Variants in STIL observed in about 807,000 individuals in gnomAD.
STIL encodes STIL centriolar assembly protein, also known as SCL-interrupting locus protein.
STIL carries 55 observed loss-of-function variants against 110.1 expected under a neutral mutation model. The observed-to-expected ratio is 0.50, with a 90% CI of 0.40 to 0.63. STIL has a LOEUF of 0.63. Ranked by LOEUF, STIL falls within the 20% of genes least tolerant of loss-of-function variation. STIL has a pLI of 0.00. For missense variants in STIL, 1,358 were observed against 1,530.0 expected, an observed-to-expected ratio of 0.89 and a Z score of 1.87; for synonymous variants, 481 against 530.0, an observed-to-expected ratio of 0.91 and a Z score of 1.27.
chr1:47,251,507 C>A lies in STIL; in HGVS notation c.3496G>T (p.Gly1166Cys). ...QNLRSIPEQLGGQKEPSKNDH... is the reference protein window; with the variant it reads ...QNLRSIPEQLCGQKEPSKNDH... ...TTCTTAGAAGGCTCTTTCTGACCAC[C>A]AAGCTGTTCAGGTATGGACCTAAGG... Residue 1166 changes from glycine (G) to cysteine (C), a missense_variant, in exon 17 of 17, where the codon GGT becomes TGT. By Grantham distance (159) the Gly-to-Cys change is radical (BLOSUM62 -3). Coordinates refer to ENST00000371877, the MANE Select transcript of STIL (RefSeq NM_001048166.1). 6.2e-7 allele frequency: 1 copy of A among 1,614,200 alleles called. No individual in the cohort carries two copies. The highest frequency in any genetic ancestry group is 1.1e-5 in the South Asian group (1 of 91,084).
chr1:47,302,933 T>C (rs1054871509), intron 3 of STIL, among the ~76,000 whole-genome samples: 1 of 152,102 alleles, frequency 6.6e-6, no homozygotes, highest in Non-Finnish European at 1.5e-5. Flanking sequence ...TATTGTATTA[T>C]ACTGTGGGTA....
intron 3 of STIL, among the ~76,000 whole-genome samples, chr1:47,302,920 C>T (rs1645848391): frequency 6.6e-6 from 1 of 151,952 alleles, no homozygotes; most frequent in Non-Finnish European, 1.5e-5. Flanking sequence ...TCTCAAAATA[C>T]CTTATTGTAT....
At chr1:47,272,510 G>A (rs867054530) in intron 12 of STIL, among the ~76,000 whole-genome samples, 9 of 151,152 alleles carry the variant, frequency 6.0e-5, no homozygotes, top group Admixed American at 2.0e-4. Flanking sequence ...CAGCCGTGGT[G>A]CAATCATGGC....
intron 8 of STIL, among the ~76,000 whole-genome samples, chr1:47,290,314 C>A (rs181174540): frequency 6.6e-6 from 1 of 152,262 alleles, no homozygotes; most frequent in Admixed American, 6.5e-5. Context: ...AAATGACAAT[C>A]TGGGGGGAAA....
At chr1:47,264,266 C>T (rs531350616) in intron 14 of STIL, among the ~76,000 whole-genome samples, 1 of 152,174 alleles carries the variant, frequency 6.6e-6, no homozygotes, top group Non-Finnish European at 1.5e-5. Flanking sequence ...TCTGCTGGCG[C>T]CTCAATCTTG....
chr1:47,269,609 G>A (rs778248062), intron 14 of STIL, 26 bp downstream of exon 14: 199 of 1,605,220 alleles, frequency 1.2e-4, no homozygotes, highest in Non-Finnish European at 1.6e-4. Context: ...AAAGTAGGAT[G>A]AAAGACTAAA....
chr1:47,310,423 T>C, intron 1 of STIL, 61 bp from the exon 2 acceptor site: 1 of 1,054,526 alleles, frequency 9.5e-7, no homozygotes, highest in South Asian at 1.4e-5. Context: ...AAATATGATT[T>C]AACCACATAT....
chr1:47,311,660 G>A (rs963744190), intron 1 of STIL, among the ~76,000 whole-genome samples: 1 of 152,100 alleles, frequency 6.6e-6, no homozygotes, highest in South Asian at 2.1e-4. Context: ...CACAGACCTC[G>A]TAGTCCTTTC....
intron 2 of STIL, among the ~76,000 whole-genome samples, chr1:47,307,514 C>T (rs530678557): frequency 1.3e-5 from 2 of 152,278 alleles, no homozygotes; most frequent in Admixed American, 1.3e-4. Flanking sequence ...AATCAATACC[C>T]TTGTGATTTC....
At chr1:47,254,962 G>C (rs35774681) in intron 16 of STIL, among the ~76,000 whole-genome samples, 58,087 of 151,936 alleles carry the variant, frequency 0.38, 13,919 homozygotes, top group Non-Finnish European at 0.51. Context: ...TTGGAGGGTG[G>C]GCTAGGGGCA....
chr1:47,262,798 T>C, intron 15 of STIL, 105 bp downstream of exon 15: 1 of 1,039,786 alleles, frequency 9.6e-7, no homozygotes, highest in Non-Finnish European at 1.4e-6. Flanking sequence ...CAAAAAATCT[T>C]TTTATCTTAA....
chr1:47,272,308 T>C lies in STIL; in HGVS notation c.2218-67A>G. ...ATCAACAAAACTGGCAGCAGTTTAA[T>C]AATGAATTACAAAGCGCCCTAATTA... On this transcript the variant is annotated intron_variant, in intron 12 of 16. Transcript: ENST00000371877. 4 of 1,554,972 alleles carry C rather than the reference T, an allele frequency of 2.6e-6. No homozygotes were observed. The Admixed American group carries it at 5.0e-5, about 20-fold the overall frequency.
At position 47,277,375 on chromosome 1, in the gene STIL, A is replaced by G. The variant is rs530838295; in HGVS notation, c.2217+2866T>C. Among the ~76,000 whole-genome samples the G allele has an allele frequency of 5.9e-5, 9 of 152,310 alleles. No homozygotes were observed. The South Asian group carries it at 1.7e-3, about 28-fold the overall frequency. ...ATAAAGGGCTTTAAGGGCCAAGGTA[A>G]AGCATTTGGATTTTATTCTAATTGC... On this transcript the variant is annotated intron_variant, in intron 12 of 16. Coordinates refer to ENST00000371877, the MANE Select transcript of STIL (RefSeq NM_001048166.1).
At position 47,302,349 on chromosome 1, in the gene STIL, G is replaced by GA; in HGVS notation, c.153-4dup. The stretch of plus-strand genomic sequence containing the variant: ...CAGTCACCACAAGCTTTGGATTTCT[G>GA]AAAAACAACAAGTCTTTTATGAATA... On this transcript the variant is annotated splice_polypyrimidine_tract_variant and splice_region_variant and intron_variant, in intron 3 of 16. Coordinates refer to ENST00000371877, the MANE Select transcript of STIL (RefSeq NM_001048166.1). 1 of 1,609,740 alleles carries GA rather than the reference G, an allele frequency of 6.2e-7. No individual in the cohort carries two copies. Among genetic ancestry groups the GA allele is most frequent in the South Asian group, 1.1e-5 (1 of 90,998 alleles).
At position 47,302,286 on chromosome 1, in the gene STIL, C is replaced by T. The variant is rs1645828003; in HGVS notation, c.213G>A (p.Gln71=). The T allele has an allele frequency of 6.2e-7, 1 of 1,614,058 alleles. No homozygotes were observed. The highest frequency in any genetic ancestry group is 8.5e-7 in the Non-Finnish European group (1 of 1,180,000). The change falls in exon 4 of 17, where the codon CAG becomes CAA. Residue 71 remains glutamine, a synonymous_variant. Transcript: ENST00000371877. The part of the protein sequence containing the change: ...TIRLAYRHAK[Q]NKKNSSCFLL... ...AAAAGCATGACGAATTTTTTTTATT[C>T]TGCTTAGCATGACGATAAGCAAGTC...
At chr1:47,313,758 G>A (rs1057229820) in intron 1 of STIL, among the ~76,000 whole-genome samples, 1 of 152,212 alleles carries the variant, frequency 6.6e-6, no homozygotes, top group Non-Finnish European at 1.5e-5. Context: ...ATGCAAGAGC[G>A]AGCATTCAAG....
At chr1:47,292,738 G>C (rs557478944) in intron 8 of STIL, among the ~76,000 whole-genome samples, 1 of 152,228 alleles carries the variant, frequency 6.6e-6, no homozygotes, top group Non-Finnish European at 1.5e-5. Flanking sequence ...ACTTTACAGT[G>C]ATTGCCTCTG....
intron 11 of STIL, among the ~76,000 whole-genome samples, chr1:47,281,836 C>A (rs1402140221): frequency 6.6e-6 from 1 of 152,034 alleles, no homozygotes; most frequent in African/African-American, 2.4e-5. Flanking sequence ...TCTAAAATGA[C>A]CCACAGGTTG....
chr1:47,303,921 C>G (rs1557772506), intron 3 of STIL, among the ~76,000 whole-genome samples: 1 of 152,122 alleles, frequency 6.6e-6, no homozygotes, highest in East Asian at 1.9e-4. Flanking sequence ...GCTCTAAGTC[C>G]TTATAATGTA....
Sources: gnomAD v4.1 joint callset for allele counts (sites outside exome capture counted in the v4.1 genomes callset) on GRCh38, gnomAD v4.1.1 for gene constraint, MANE v1.5 for transcripts, NCBI Gene and HGNC (gene_info 2026-07-23, HGNC 2026-07-21) for gene names.